TENM3: variants seen among roughly 807,000 people sequenced by gnomAD.
TENM3 encodes teneurin-3.
In TENM3, 63 loss-of-function variants were observed where a neutral mutation model predicts 255.1. The ratio of observed to expected loss-of-function variants is 0.25; its 90% CI spans 0.20 to 0.30. TENM3 has a LOEUF of 0.30. Ranked by LOEUF, TENM3 falls within the 10% of genes least tolerant of loss-of-function variation. TENM3 has a pLI of 1.00. For synonymous variants in TENM3, 1,306 were observed against 1,322.3 expected, an observed-to-expected ratio of 0.99 and a Z score of 0.27; for missense variants, 2,929 against 3,461.1, an observed-to-expected ratio of 0.85 and a Z score of 3.86.
rs1490990438 is a variant in TENM3, at chr4:182,789,366, T to C, written c.5578T>C (p.Trp1860Arg). The C allele has an allele frequency of 6.2e-7, 1 of 1,613,364 alleles. No individual in the cohort carries two copies. Among genetic ancestry groups the C allele is most frequent in the East Asian group, 2.2e-5 (1 of 44,870 alleles). ...VSRVFADGKT[W>R]SYTYLEKSMV... ...TCGGGTCTTTGCTGATGGTAAAACA[T>C]GGAGTTACACATATTTAGAAAAGGT... Residue 1860 changes from tryptophan to arginine, a missense_variant, in exon 25 of 28, where the codon TGG becomes CGG. Trp to Arg is a moderately radical substitution (Grantham distance 101). Coordinates refer to ENST00000511685, the MANE Select transcript of TENM3 (RefSeq NM_001080477.4). The surrounding 1 kb of genome is among the most constrained non-coding windows in gnomAD (Gnocchi z 4.4).
At chr4:181,888,487 G>T in the TENM3 span, among the ~76,000 whole-genome samples, 1 of 67,194 alleles carries the variant, frequency 1.5e-5, no homozygotes, top group Non-Finnish European at 2.9e-5. Context: ...AAAACCAATA[G>T]AAATGTGTAT....
chr4:181,948,702 C>T, the TENM3 span, among the ~76,000 whole-genome samples: 1 of 152,258 alleles, frequency 6.6e-6, no homozygotes, highest in African/African-American at 2.4e-5. Flanking sequence ...AGGTGTGAGC[C>T]ACCGCGCCTG....
intron 3 of TENM3, among the ~76,000 whole-genome samples, chr4:182,480,729 G>T (rs985348379): frequency 6.6e-6 from 1 of 151,814 alleles, no homozygotes; most frequent in Non-Finnish European, 1.5e-5. Flanking sequence ...AAAGCATATA[G>T]ATATTTTATG....
chr4:182,330,284 T>C (rs1303916346), intron 2 of TENM3, among the ~76,000 whole-genome samples: 1 of 152,214 alleles, frequency 6.6e-6, no homozygotes, highest in African/African-American at 2.4e-5. Context: ...AAACTTGTGT[T>C]TTTTTGTGTG....
chr4:182,363,524 A>C (rs1766185644), intron 3 of TENM3, among the ~76,000 whole-genome samples: 1 of 152,022 alleles, frequency 6.6e-6, no homozygotes. Context: ...TGCACTAGCA[A>C]TGTTCTTTTG....
chr4:182,034,911 T>A, the TENM3 span, among the ~76,000 whole-genome samples: 8 of 152,194 alleles, frequency 5.3e-5, no homozygotes, highest in Admixed American at 4.6e-4. Flanking sequence ...CTGGATTTCC[T>A]GAGTTCAATG....
chr4:181,469,851 T>C, the TENM3 span, among the ~76,000 whole-genome samples: 1 of 152,076 alleles, frequency 6.6e-6, no homozygotes, highest in Non-Finnish European at 1.5e-5. Flanking sequence ...ACTTAAGCCT[T>C]TAAAATATCA....
At chr4:182,015,594 T>C in the TENM3 span, among the ~76,000 whole-genome samples, 134 of 151,616 alleles carry the variant, frequency 8.8e-4, no homozygotes, top group Middle Eastern at 3.4e-3. Flanking sequence ...AGGGTCTCAC[T>C]CTGTCGCCCA....
chr4:181,694,022 C>T, the TENM3 span, among the ~76,000 whole-genome samples: 1 of 152,132 alleles, frequency 6.6e-6, no homozygotes, highest in Non-Finnish European at 1.5e-5. Flanking sequence ...TAAGCTTTCA[C>T]GTCTTAATCT....
chr4:182,043,611 T>A, the TENM3 span, among the ~76,000 whole-genome samples: 2 of 152,218 alleles, frequency 1.3e-5, no homozygotes, highest in Admixed American at 1.3e-4. Context: ...TCTAGTTTTA[T>A]AATAGACTTC....
the TENM3 span, among the ~76,000 whole-genome samples, chr4:181,697,711 G>A: frequency 2.0e-5 from 3 of 152,028 alleles, no homozygotes; most frequent in African/African-American, 7.2e-5. Context: ...GCTTTATAAT[G>A]TTGTATTACA....
chr4:182,731,953 T>C (rs1053173473), intron 16 of TENM3, among the ~76,000 whole-genome samples: 3 of 151,944 alleles, frequency 2.0e-5, no homozygotes, highest in Non-Finnish European at 4.4e-5. Context: ...AGCTAATTTT[T>C]TGTATTTTTA....
the TENM3 span, among the ~76,000 whole-genome samples, chr4:181,845,025 T>C: frequency 1.3e-5 from 2 of 152,254 alleles, no homozygotes; most frequent in Non-Finnish European, 2.9e-5. Context: ...GCATATTTTA[T>C]ATAATTTGTT....
the TENM3 span, among the ~76,000 whole-genome samples, chr4:182,060,975 T>G: frequency 1.0e-3 from 153 of 152,318 alleles, 1 homozygote; most frequent in Middle Eastern, 0.014. Context: ...TATCTCAATA[T>G]GTCACCTGTC....
chr4:182,259,698 G>T (rs1205770138), intron 1 of TENM3, among the ~76,000 whole-genome samples: 1 of 152,074 alleles, frequency 6.6e-6, no homozygotes, highest in Non-Finnish European at 1.5e-5. Flanking sequence ...CATATAATTT[G>T]TAAAGATCAA....
the TENM3 span, among the ~76,000 whole-genome samples, chr4:181,714,094 T>C: frequency 6.6e-6 from 1 of 152,188 alleles, no homozygotes; most frequent in Non-Finnish European, 1.5e-5. Flanking sequence ...GAAAACACTT[T>C]GGGAAACACT....
At chr4:181,846,412 C>T in the TENM3 span, among the ~76,000 whole-genome samples, 6 of 151,928 alleles carry the variant, frequency 3.9e-5, no homozygotes, top group Admixed American at 2.0e-4. Context: ...TATTTTATGT[C>T]TTTGTGAGGC....
Position 182,724,966 on chromosome 4 carries a change from A to G in TENM3, c.2369-3999A>G, listed in dbSNP as rs1760046875. Among the ~76,000 whole-genome samples, 3 of 152,336 alleles carry G rather than the reference A, an allele frequency of 2.0e-5. No individual in the cohort carries two copies. The South Asian group carries it at 6.2e-4, about 32-fold the overall frequency. On this transcript the variant is annotated intron_variant, in intron 13 of 27. Transcript: ENST00000511685. ...GGTACTATATCATAAAACACATTTG[A>G]AAGATTCGTCATAAACATCAAACAT... is the stretch of plus-strand genomic sequence containing the variant.
At chr4:182,200,842 T>TA (rs5864771) in intron 1 of TENM3, among the ~76,000 whole-genome samples, 1 of 151,012 alleles carries the variant, frequency 6.6e-6, no homozygotes, top group Non-Finnish European at 1.5e-5. Flanking sequence ...TTTTTTTTTT[T>TA]GAGATGGAGT....
Sources: allele counts gnomAD v4.1 joint callset (sites outside exome capture counted in the v4.1 genomes callset), GRCh38; gene constraint gnomAD v4.1.1; non-coding constraint Gnocchi (gnomAD v3.1); transcripts MANE v1.5; gene names NCBI Gene and HGNC (gene_info 2026-07-23, HGNC 2026-07-21).